The following MOB3B variants were observed in gnomAD, a reference collection of about 807,000 sequenced individuals.
The protein encoded by MOB3B is MOB kinase activator-like 2B.
MOB3B carries 7 observed loss-of-function variants against 18.7 expected under a neutral mutation model. The observed-to-expected ratio is 0.37, with a 90% CI of 0.21 to 0.70. MOB3B has a LOEUF of 0.70. Ranked by LOEUF, MOB3B falls within the 30% of genes least tolerant of loss-of-function variation. The pLI, the probability that MOB3B is intolerant of heterozygous loss-of-function variation, is 0.52. For synonymous variants in MOB3B, 111 were observed against 99.9 expected (o/e 1.11, Z -0.66); for missense variants, 253 against 281.3 (o/e 0.90, Z 0.72).
intron 2 of MOB3B, among the ~76,000 whole-genome samples, chr9:27,363,186 G>A (rs1821298262): frequency 6.6e-6 from 1 of 152,146 alleles, no homozygotes; most frequent in Non-Finnish European, 1.5e-5. Flanking sequence ...TCCAAATGAG[G>A]GCTGATCTGT....
chr9:27,516,941 C>A (rs1266362157), intron 1 of MOB3B, among the ~76,000 whole-genome samples: 2 of 152,186 alleles, frequency 1.3e-5, no homozygotes, highest in Admixed American at 6.5e-5. Flanking sequence ...TATAACAGAA[C>A]TCACCAGTTG....
At chr9:27,501,926 TA>T (rs1187111872) in intron 1 of MOB3B, among the ~76,000 whole-genome samples, 1 of 152,198 alleles carries the variant, frequency 6.6e-6, no homozygotes, top group African/African-American at 2.4e-5. Flanking sequence ...TTTTAAATAT[TA>T]CAGTTCAAGT....
intron 3 of MOB3B, among the ~76,000 whole-genome samples, chr9:27,336,901 G>A (rs1250718708): frequency 6.6e-6 from 1 of 152,118 alleles, no homozygotes; most frequent in Non-Finnish European, 1.5e-5. Context: ...AATCAAATGT[G>A]ATATTGCTGA....
intron 1 of MOB3B, among the ~76,000 whole-genome samples, chr9:27,489,741 C>CTTTTTTTTTTTTTTTTTTTTTTTTT (rs66757462): frequency 5.5e-5 from 4 of 73,118 alleles, no homozygotes; most frequent in African/African-American, 9.0e-5. Context: ...AGGAAATAAT[C>CTTTTTTTTTTTTTTTTTTTTTTTTT]TTTTTTTTTT....
chr9:27,380,338 C>T (rs1821557924), intron 2 of MOB3B, among the ~76,000 whole-genome samples: 1 of 149,672 alleles, frequency 6.7e-6, no homozygotes, highest in Admixed American at 6.7e-5. Flanking sequence ...GATCTTGGCT[C>T]ACTGCAACCT....
At position 27,342,369 on chromosome 9, in the gene MOB3B, G is replaced by A. The variant is rs866376081; in HGVS notation, c.622-11753C>T. 7.9e-5 allele frequency among the ~76,000 whole-genome samples: 12 copies of A among 152,178 alleles called. No homozygotes were observed. In the South Asian group the frequency reaches 8.3e-4, roughly 11 times the overall value. On this transcript the variant is annotated intron_variant, in intron 3 of 3. Transcript: ENST00000262244. ...AATGATGTTACATCAGTAGAAAAACGCTTCTAAAACAAGAGTGGAGTGAAC... is the reference window on the plus strand; with the variant it reads ...AATGATGTTACATCAGTAGAAAAACACTTCTAAAACAAGAGTGGAGTGAAC...
Position 27,348,315 on chromosome 9 carries a change from T to A in MOB3B, c.621+10719A>T, listed in dbSNP as rs1279557924. Among the ~76,000 whole-genome samples, 3 of 152,076 alleles carry A rather than the reference T, an allele frequency of 2.0e-5. No homozygotes were observed. The East Asian group carries it at 5.8e-4, about 29-fold the overall frequency. The stretch of plus-strand genomic sequence containing the variant: ...GGTCTCTGTGGTGGTTTAAAAATAT[T>A]TTAAAATTATTTAACATATGAAGAA... On this transcript the variant is annotated intron_variant, in intron 3 of 3. Transcript: ENST00000262244.
chr9:27,415,866 G>A (rs1822138708), intron 2 of MOB3B, among the ~76,000 whole-genome samples: 4 of 152,144 alleles, frequency 2.6e-5, no homozygotes, highest in African/African-American at 7.2e-5. Flanking sequence ...ACTGCAATAC[G>A]AGTGGATTTT....
intron 2 of MOB3B, among the ~76,000 whole-genome samples, chr9:27,417,058 T>C (rs28649299): frequency 0.04 from 6,027 of 152,266 alleles, 360 homozygotes; most frequent in African/African-American, 0.13. Flanking sequence ...ATACAGGATG[T>C]ATTACTTTTA....
chr9:27,408,000 C>T (rs531784682), intron 2 of MOB3B, among the ~76,000 whole-genome samples: 3 of 152,272 alleles, frequency 2.0e-5, no homozygotes, highest in Admixed American at 1.3e-4. Flanking sequence ...CCTCACAGGC[C>T]TTTCTATCTC....
At chr9:27,422,087 T>C (rs940843188) in intron 2 of MOB3B, among the ~76,000 whole-genome samples, 8 of 152,360 alleles carry the variant, frequency 5.3e-5, no homozygotes, top group African/African-American at 1.7e-4. Context: ...GCTGAGTGAA[T>C]GAATGAATAA....
intron 2 of MOB3B, among the ~76,000 whole-genome samples, chr9:27,378,940 G>T (rs191464637): frequency 6.6e-6 from 1 of 152,210 alleles, no homozygotes; most frequent in Non-Finnish European, 1.5e-5. Context: ...AAAGCTCAAA[G>T]CTTGCTCTCT....
At position 27,418,456 on chromosome 9, in the gene MOB3B, A is replaced by T. The variant is rs1174502385; in HGVS notation, c.418+36677T>A. ...CCTTAAAAAAAATACTAGCTAACCAAATCCAACAACATATCAAGAAGATAA... is the reference window on the plus strand; with the variant it reads ...CCTTAAAAAAAATACTAGCTAACCATATCCAACAACATATCAAGAAGATAA... On this transcript the variant is annotated intron_variant, in intron 2 of 3. Transcript: ENST00000262244. Among the ~76,000 whole-genome samples the T allele has an allele frequency of 2.0e-5, 3 of 152,298 alleles. No homozygotes were observed. In the East Asian group the frequency reaches 5.8e-4, roughly 29 times the overall value.
chr9:27,369,962 C>T (rs1336763983), intron 2 of MOB3B, among the ~76,000 whole-genome samples: 1 of 142,720 alleles, frequency 7.0e-6, no homozygotes, highest in Non-Finnish European at 1.5e-5. Flanking sequence ...TTTTGTCTCC[C>T]AGGAGACTGA....
intron 1 of MOB3B, chr9:27,524,956 A>T: frequency 6.4e-7 from 1 of 1,571,160 alleles, no homozygotes; most frequent in Non-Finnish European, 8.6e-7. Context: ...TTCAGGAGGA[A>T]ATAAGGTATA....
chr9:27,513,662 T>G (rs1820179496), intron 1 of MOB3B, among the ~76,000 whole-genome samples: 1 of 152,204 alleles, frequency 6.6e-6, no homozygotes, highest in Non-Finnish European at 1.5e-5. Context: ...CTTCCAGCTT[T>G]GTACACAGTT....
At chr9:27,505,641 A>C (rs2492818) in intron 1 of MOB3B, among the ~76,000 whole-genome samples, 3 of 152,138 alleles carry the variant, frequency 2.0e-5, no homozygotes, top group Non-Finnish European at 2.9e-5. Flanking sequence ...TTCTGCATGA[A>C]GTCCACAGAC....
intron 2 of MOB3B, among the ~76,000 whole-genome samples, chr9:27,412,818 G>A (rs1044707070): frequency 9.9e-5 from 15 of 152,200 alleles, no homozygotes; most frequent in African/African-American, 3.4e-4. Flanking sequence ...ATAGCCTATT[G>A]CTGTCTACTT....
intron 3 of MOB3B, among the ~76,000 whole-genome samples, chr9:27,353,688 G>GA (rs1258953777): frequency 6.6e-6 from 1 of 151,862 alleles, no homozygotes; most frequent in Non-Finnish European, 1.5e-5. Flanking sequence ...CCCACCTCAC[G>GA]AATCTCTGTC....
Sources: allele counts gnomAD v4.1 joint callset (sites outside exome capture counted in the v4.1 genomes callset), GRCh38; gene constraint gnomAD v4.1.1; transcripts MANE v1.5; gene names NCBI Gene and HGNC (gene_info 2026-07-23, HGNC 2026-07-21).